Variants in TENT2 observed in about 807,000 individuals in gnomAD.
TENT2 encodes the protein poly(A) RNA polymerase GLD2.
Under a neutral mutation model 72.2 loss-of-function variants are expected in TENT2, and 44 were observed. That is an observed-to-expected ratio of 0.61 (90% CI 0.48 to 0.78). The LOEUF (loss-of-function observed/expected upper bound fraction) is 0.78, where lower values mean the gene tolerates loss of function less well. Among genes scored for constraint, TENT2 ranks in the 30% least tolerant of loss-of-function variants. The pLI, the probability that TENT2 is intolerant of heterozygous loss-of-function variation, is 0.00. For missense variants in TENT2, 541 were observed against 569.6 expected (o/e 0.95, Z 0.51); for synonymous variants, 212 against 192.5 (o/e 1.10, Z -0.84).
At position 79,612,673 on chromosome 5, in the gene TENT2, G is replaced by C. The variant is rs544457834; in HGVS notation, c.-440G>C. 35 of 152,812 alleles carry C rather than the reference G, an allele frequency of 2.3e-4. No homozygotes were observed. The highest frequency in any genetic ancestry group is 7.9e-4 in the African/African-American group (33 of 41,550). 9.5% of individuals were successfully genotyped at this position (152,812 alleles called of 1,614,324 possible). A position where few individuals can be genotyped will look rare whatever the true frequency, so the allele number is the denominator to read the frequency against. ...GGGCCACCACTACCTCCTTTGGTTC[G>C]GGAGAAAGCTACGACCAAGTACGCC... On this transcript the variant is annotated 5_prime_UTR_variant, in exon 1 of 15. Coordinates refer to ENST00000453514, the MANE Select transcript of TENT2 (RefSeq NM_001114394.3).
intron 4 of TENT2, among the ~76,000 whole-genome samples, chr5:79,629,033 A>G (rs1200943711): frequency 6.6e-6 from 1 of 152,156 alleles, no homozygotes; most frequent in Non-Finnish European, 1.5e-5. Context: ...GTTAAGGTAG[A>G]GACAAAAGGA....
intron 10 of TENT2, among the ~76,000 whole-genome samples, chr5:79,654,501 TG>T (rs1180542272): frequency 6.6e-6 from 1 of 152,058 alleles, no homozygotes; most frequent in Non-Finnish European, 1.5e-5. Context: ...TGAATATTCA[TG>T]GAATGTTTAC....
intron 11 of TENT2, among the ~76,000 whole-genome samples, chr5:79,662,181 A>C (rs1803522402): frequency 6.6e-6 from 1 of 152,210 alleles, no homozygotes; most frequent in African/African-American, 2.4e-5. Context: ...ATGAAATTGC[A>C]GCAGTTCAGT....
At chr5:79,679,262 G>A (rs967260311) in intron 12 of TENT2, among the ~76,000 whole-genome samples, 5 of 152,078 alleles carry the variant, frequency 3.3e-5, no homozygotes, top group African/African-American at 1.2e-4. Flanking sequence ...TTGAAAACCT[G>A]GTATGTACTA....
chr5:79,679,623 C>T lies in TENT2; in HGVS notation c.1253C>T (p.Pro418Leu). The change falls in exon 13 of 15, where the codon CCA becomes CTA. Residue 418 changes from proline to leucine, a missense_variant. Transcript: ENST00000453514. ...TCAGTTCGTGAAGCCAAAGCCATTC[C>T]AAGGCCTGATGGTATTGAATGGAGA... ...MISVREAKAIPRPDGIEWRNK... is the reference protein window; with the variant it reads ...MISVREAKAILRPDGIEWRNK... 3 of 1,603,798 alleles carry T rather than the reference C, an allele frequency of 1.9e-6. No individual in the cohort carries two copies. The highest frequency in any genetic ancestry group is 2.6e-6 in the Non-Finnish European group (3 of 1,174,336).
intron 13 of TENT2, 133 bp downstream of exon 13, chr5:79,679,803 T>A: frequency 2.0e-6 from 1 of 492,552 alleles, no homozygotes; most frequent in Non-Finnish European, 3.2e-6. Context: ...TTAAAATTTT[T>A]AATTTTAAAA....
intron 4 of TENT2, among the ~76,000 whole-genome samples, chr5:79,624,627 C>T (rs911956432): frequency 2.0e-5 from 3 of 152,180 alleles, no homozygotes; most frequent in Non-Finnish European, 4.4e-5. Flanking sequence ...TTATCCCATC[C>T]TGGACATTTT....
chr5:79,681,877 T>G, intron 13 of TENT2, 105 bp from the exon 14 acceptor site: 1 of 902,374 alleles, frequency 1.1e-6, no homozygotes, highest in South Asian at 1.8e-5. Flanking sequence ...ATTGCAATTT[T>G]TGTAGGTTAA....
chr5:79,616,714 A>T (rs1760409044), intron 1 of TENT2, among the ~76,000 whole-genome samples: 1 of 152,246 alleles, frequency 6.6e-6, no homozygotes, highest in Non-Finnish European at 1.5e-5. Flanking sequence ...GTGAGGAAAT[A>T]TGACAGGATT....
intron 11 of TENT2, among the ~76,000 whole-genome samples, chr5:79,659,566 A>G (rs59370987): frequency 0.054 from 4,669 of 87,050 alleles, 501 homozygotes; most frequent in African/African-American, 0.14. Context: ...GTATATATAT[A>G]TATATATATA....
intron 10 of TENT2, among the ~76,000 whole-genome samples, chr5:79,654,190 G>C (rs1796217784): frequency 1.3e-5 from 2 of 152,204 alleles, no homozygotes; most frequent in African/African-American, 4.8e-5. Flanking sequence ...CCAGCAGTTT[G>C]GGAGGCTGAG....
At chr5:79,645,839 C>G (rs888492665) in intron 8 of TENT2, among the ~76,000 whole-genome samples, 9 of 151,668 alleles carry the variant, frequency 5.9e-5, no homozygotes, top group African/African-American at 2.2e-4. Flanking sequence ...GAAATTGTGC[C>G]CACAAACACA....
At chr5:79,664,368 G>A (rs946759671) in intron 11 of TENT2, among the ~76,000 whole-genome samples, 10 of 152,058 alleles carry the variant, frequency 6.6e-5, no homozygotes, top group Non-Finnish European at 8.8e-5. Flanking sequence ...AGGCCGAGGC[G>A]GGTGGATCAC....
chr5:79,625,900 G>A (rs1327955211), intron 4 of TENT2, among the ~76,000 whole-genome samples: 1 of 151,836 alleles, frequency 6.6e-6, no homozygotes. Context: ...TGCGATCTCG[G>A]CTCACTGAAC....
At chr5:79,623,523 G>T in intron 4 of TENT2, 34 bp downstream of exon 4, 1 of 1,423,936 alleles carries the variant, frequency 7.0e-7, no homozygotes, top group South Asian at 1.3e-5. Context: ...TTTGCCTTTT[G>T]GGAATTTAGT....
At chr5:79,648,577 C>A in intron 8 of TENT2, 40 bp from the exon 9 acceptor site, 1 of 1,378,850 alleles carries the variant, frequency 7.3e-7, no homozygotes, top group Non-Finnish European at 9.9e-7. Context: ...TTTTGTTCTT[C>A]AGCTAAAGTT....
chr5:79,619,456 T>C (rs1269864930), intron 1 of TENT2, among the ~76,000 whole-genome samples, 156 bp from the exon 2 acceptor site: 2 of 152,250 alleles, frequency 1.3e-5, no homozygotes, highest in East Asian at 1.9e-4. Context: ...AGTTTTCTTT[T>C]GTTACCTACA....
At position 79,638,499 on chromosome 5, in the gene TENT2, C is replaced by T. The variant is rs545302550; in HGVS notation, c.466-2352C>T. 3.3e-5 allele frequency among the ~76,000 whole-genome samples: 5 copies of T among 152,256 alleles called. No individual in the cohort carries two copies. In the South Asian group the frequency reaches 1.0e-3, roughly 32 times the overall value. ...CTCATTTTGTTTGGAGGTCTCTGAT[C>T]TTTCTGTGGTCCCCTTGCATTTACC... is the stretch of plus-strand genomic sequence containing the variant. On this transcript the variant is annotated intron_variant, in intron 4 of 14. Coordinates refer to ENST00000453514, the MANE Select transcript of TENT2 (RefSeq NM_001114394.3).
intron 10 of TENT2, among the ~76,000 whole-genome samples, chr5:79,650,126 T>G (rs1211784865): frequency 6.6e-6 from 1 of 152,086 alleles, no homozygotes; most frequent in Non-Finnish European, 1.5e-5. Flanking sequence ...CTGTTCTGGG[T>G]TGGTGATACT....
Sources: gnomAD v4.1 joint callset for allele counts (sites outside exome capture counted in the v4.1 genomes callset) on GRCh38, gnomAD v4.1.1 for gene constraint, MANE v1.5 for transcripts, NCBI Gene and HGNC (gene_info 2026-07-23, HGNC 2026-07-21) for gene names.